The following PCDHGA3 variants were observed in gnomAD, a reference collection of about 807,000 sequenced individuals.
The protein encoded by PCDHGA3 is protocadherin gamma-A3.
A neutral mutation model predicts 58.5 loss-of-function variants in PCDHGA3; 40 were observed. That is an observed-to-expected ratio of 0.68 (90% confidence interval 0.53 to 0.89). PCDHGA3 has a LOEUF of 0.89. PCDHGA3 is among the 40% of genes least tolerant of loss of function. The pLI is 0.00. For missense variants in PCDHGA3, 1,223 were observed against 1,195.9 expected (o/e 1.02, Z -0.33); for synonymous variants, 530 against 525.7 (o/e 1.01, Z -0.11).
chr5:141,462,414 T>C (rs549473269), intron 1 of PCDHGA3, among the ~76,000 whole-genome samples: 1 of 152,360 alleles, frequency 6.6e-6, no homozygotes, highest in Non-Finnish European at 1.5e-5. Flanking sequence ...CAGAATATGG[T>C]CTATCTTGGT....
intron 1 of PCDHGA3, among the ~76,000 whole-genome samples, chr5:141,455,783 T>G (rs1475277198): frequency 1.3e-5 from 2 of 152,066 alleles, no homozygotes; most frequent in Non-Finnish European, 2.9e-5. Context: ...AAAAGAAACT[T>G]TTCCGGAGAT....
intron 1 of PCDHGA3, chr5:141,478,233 T>G: frequency 6.2e-7 from 1 of 1,614,126 alleles, no homozygotes. Context: ...GTGGGGTTTG[T>G]GGTCACAGTG....
At chr5:141,357,329 T>C (rs376468685) in intron 1 of PCDHGA3, 1 of 1,614,000 alleles carries the variant, frequency 6.2e-7, no homozygotes, top group Admixed American at 1.7e-5. Context: ...TTTGTCACGG[T>C]GCTGCTAGCA....
At chr5:141,398,328 C>G in intron 1 of PCDHGA3, 7 of 1,353,010 alleles carry the variant, frequency 5.2e-6, no homozygotes, top group Non-Finnish European at 7.2e-6. Context: ...GAAAACTGCG[C>G]GTCAGTTCGG....
chr5:141,352,175 C>G, intron 1 of PCDHGA3: 1 of 1,613,662 alleles, frequency 6.2e-7, no homozygotes, highest in Admixed American at 1.7e-5. Context: ...CCAGCGCCTG[C>G]TGGTCGCTGT....
chr5:141,353,688 G>A (rs6870557), intron 1 of PCDHGA3, among the ~76,000 whole-genome samples: 1,925 of 152,162 alleles, frequency 0.013, 50 homozygotes, highest in African/African-American at 0.044. Context: ...TTTATAAAGC[G>A]TTTTCCATAC....
chr5:141,494,198 C>T (rs1383940298), intron 1 of PCDHGA3, among the ~76,000 whole-genome samples: 8 of 152,158 alleles, frequency 5.3e-5, no homozygotes, highest in African/African-American at 1.7e-4. Context: ...TTGGATGCCC[C>T]GCAAAGGCCC....
At chr5:141,369,056 A>G (rs1051777432) in intron 1 of PCDHGA3, among the ~76,000 whole-genome samples, 7 of 152,212 alleles carry the variant, frequency 4.6e-5, no homozygotes, top group Non-Finnish European at 5.9e-5. Flanking sequence ...TACATTATGT[A>G]GGCTAAAGAT....
At chr5:141,495,356 C>A (rs889897990) in intron 2 of PCDHGA3, among the ~76,000 whole-genome samples, 3 of 152,222 alleles carry the variant, frequency 2.0e-5, no homozygotes, top group Non-Finnish European at 4.4e-5. Flanking sequence ...GGCAGCACAG[C>A]TGGAGGTGGA....
Position 141,375,459 on chromosome 5 carries a change from T to A in PCDHGA3, c.2424+29002T>A, listed in dbSNP as rs775895246. The A allele has an allele frequency of 1.9e-6, 3 of 1,613,896 alleles. No homozygotes were observed. The highest frequency in any genetic ancestry group is 3.3e-5 in the Admixed American group (2 of 60,016). On this transcript the variant is annotated intron_variant, in intron 1 of 3. Coordinates refer to ENST00000253812, the MANE Select transcript of PCDHGA3 (RefSeq NM_018916.4). ...ACCTTCCCCCATTCATCCTACTCAG[T>A]CTATGTCCTTGAAAACAACCCCAGG... is the stretch of plus-strand genomic sequence containing the variant.
rs749590670 is a variant in PCDHGA3, at chr5:141,415,328, A to T, written c.2424+68871A>T. 7.9e-5 allele frequency: 127 copies of T among 1,614,184 alleles called. No individual in the cohort carries two copies. The Admixed American group carries it at 1.9e-3, about 24-fold the overall frequency. ...GCCTTCGTCATCGTGCTGCTGGCGC[A>T]CAGGCTGCGGCGCTGGCACAAGTCA... On this transcript the variant is annotated intron_variant, in intron 1 of 3. Transcript: ENST00000253812.
intron 1 of PCDHGA3, chr5:141,398,722 A>T: frequency 1.9e-6 from 3 of 1,613,816 alleles, no homozygotes; most frequent in Non-Finnish European, 2.5e-6. Context: ...ACTGGAGAAA[A>T]CCTTAGACCG....
At chr5:141,352,759 G>A in intron 1 of PCDHGA3, 1 of 1,332,854 alleles carries the variant, frequency 7.5e-7, no homozygotes. Context: ...CCAGGCTGAG[G>A]CAGGTGGATC....
At chr5:141,395,095 C>G in intron 1 of PCDHGA3, 1 of 1,614,174 alleles carries the variant, frequency 6.2e-7, no homozygotes, top group Non-Finnish European at 8.5e-7. Flanking sequence ...TCCCTCACCG[C>G]CGACTCGCGG....
chr5:141,486,725 C>A lies in PCDHGA3; in HGVS notation c.2425-8082C>A. 1 of 1,614,182 alleles carries A rather than the reference C, an allele frequency of 6.2e-7. No individual in the cohort carries two copies. The highest frequency in any genetic ancestry group is 1.1e-5 in the South Asian group (1 of 91,076). On this transcript the variant is annotated intron_variant, in intron 1 of 3. Transcript: ENST00000253812. The surrounding 1 kb of genome is among the most constrained non-coding windows in gnomAD (Gnocchi z 5.0). ...TCTGAACCCCCAGACAGGAGCTGTT[C>A]ATGCTACTCGATCCTTTGACTATGA...
chr5:141,485,539 G>C lies in PCDHGA3; in HGVS notation c.2425-9268G>C, dbSNP rs370323886. The C allele has an allele frequency of 9.9e-6, 16 of 1,613,986 alleles. No homozygotes were observed. In the African/African-American group the frequency reaches 2.0e-4, roughly 20 times the overall value. On this transcript the variant is annotated intron_variant, in intron 1 of 3. Transcript: ENST00000253812. This position sits in a 1 kb window ranked among gnomAD's most constrained non-coding sequence, Gnocchi z 5.7. ...TGGAAATGTACCGAGCAGAGGTAGA[G>C]ATCGTAGATGTGAATGATCACGCCC... is the stretch of plus-strand genomic sequence containing the variant.
chr5:141,478,987 G>T (rs1007857792), intron 1 of PCDHGA3, among the ~76,000 whole-genome samples: 8 of 152,144 alleles, frequency 5.3e-5, no homozygotes, highest in African/African-American at 1.4e-4. Flanking sequence ...TGTGACATTT[G>T]TATTAAAACT....
intron 1 of PCDHGA3, chr5:141,414,008 A>G (rs753686379): frequency 4.3e-6 from 7 of 1,613,188 alleles, no homozygotes; most frequent in Middle Eastern, 1.6e-4. Context: ...GAAGGTGCCA[A>G]TGGAGAAGTG....
rs769909773 is a variant in PCDHGA3 at position 141,476,732 on chromosome 5, C to T, written c.2425-18075C>T. The T allele has an allele frequency of 8.7e-6, 14 of 1,614,096 alleles. No homozygotes were observed. Among genetic ancestry groups the T allele is most frequent in the Non-Finnish European group, 1.1e-5 (13 of 1,180,030 alleles). ...GTTGGAGCGCGCCCTGGACCGAGAA[C>T]GGGAGCCTAGTCTCCAGTTAGTGCT... is the stretch of plus-strand genomic sequence containing the variant. On this transcript the variant is annotated intron_variant, in intron 1 of 3. Coordinates refer to ENST00000253812, the MANE Select transcript of PCDHGA3 (RefSeq NM_018916.4). The surrounding 1 kb of genome is among the most constrained non-coding windows in gnomAD (Gnocchi z 7.6).
Sources: allele counts gnomAD v4.1 joint callset (sites outside exome capture counted in the v4.1 genomes callset), GRCh38; gene constraint gnomAD v4.1.1; non-coding constraint Gnocchi (gnomAD v3.1); transcripts MANE v1.5; gene names NCBI Gene and HGNC (gene_info 2026-07-23, HGNC 2026-07-21).